DNAJC9: variants seen among roughly 807,000 people sequenced by gnomAD.
DNAJC9 encodes the protein DnaJ heat shock protein family (Hsp40) member C9.
Under a neutral mutation model 32.4 loss-of-function variants are expected in DNAJC9, and 18 were observed. The observed-to-expected ratio is 0.56, with a 90% CI of 0.38 to 0.82. DNAJC9 has a LOEUF of 0.82. Among genes scored for constraint, DNAJC9 ranks in the 40% least tolerant of loss-of-function variants. The pLI, the probability that DNAJC9 is intolerant of heterozygous loss-of-function variation, is 0.00. For missense variants in DNAJC9, 310 were observed against 321.8 expected (o/e 0.96, Z 0.28); for synonymous variants, 113 against 122.1 (o/e 0.93, Z 0.49).
chr10:73,240,668 T>C (rs982952161), downstream of DNAJC9, among the ~76,000 whole-genome samples: 1 of 149,638 alleles, frequency 6.7e-6, no homozygotes, highest in East Asian at 2.0e-4. Context: ...GCCGAGATCA[T>C]GCCACTGCAC....
At chr10:73,234,867 G>A (rs774701845), downstream of DNAJC9, 20 of 1,551,618 alleles carry the variant, frequency 1.3e-5, no homozygotes, top group African/African-American at 4.1e-5. Context: ...CCCCTGAGTC[G>A]AAATAATCTG....
Position 73,247,143 on chromosome 10 carries a change from A to G in DNAJC9, c.47T>C (p.Leu16Pro). ...LCEEVFGTAD[L>P]YRVLGVRREA... ...GCGTCGCACGCCCAGCACCCGGTAA[A>G]GGTCGGCGGTGCCGAACACTTCCTC... Residue 16 changes from leucine (L) to proline (P), a missense_variant, in exon 1 of 5, where the codon CTT (leucine) becomes CCT (proline). Physicochemically the swap from Leu to Pro is moderately conservative, Grantham distance 98. Transcript: ENST00000372950. The G allele has an allele frequency of 6.3e-7, 1 of 1,596,494 alleles. No individual in the cohort carries two copies. The highest frequency in any genetic ancestry group is 8.5e-7 in the Non-Finnish European group (1 of 1,172,498).
downstream of DNAJC9, among the ~76,000 whole-genome samples, chr10:73,240,661 G>A (rs991194017): frequency 7.3e-5 from 11 of 150,562 alleles, no homozygotes; most frequent in East Asian, 2.0e-4. Context: ...GCAGTGAGCC[G>A]AGATCATGCC....
rs752978808 is a variant in DNAJC9, at chr10:73,247,244, C to T, written c.-55G>A. On this transcript the variant is annotated 5_prime_UTR_variant, in exon 1 of 5. Transcript: ENST00000372950. ...CAGCCGCTCCCAGCTGCGCCGGGTA[C>T]AACCCAGGACTGCTTCTTTTTCGCG... The T allele has an allele frequency of 3.2e-6, 5 of 1,547,748 alleles. No individual in the cohort carries two copies. The highest frequency in any genetic ancestry group is 3.5e-6 in the Non-Finnish European group (4 of 1,145,178).
At chr10:73,244,107 TAG>T (rs1398518140) in intron 3 of DNAJC9, 178 bp from the exon 4 acceptor site, 29 of 591,492 alleles carry the variant, frequency 4.9e-5, no homozygotes, top group Non-Finnish European at 6.6e-5. Flanking sequence ...CAGCAAGCAG[TAG>T]ATCCTCTGAT....
chr10:73,233,245 G>GA, intron 2 of DNAJC9: 1 of 977,480 alleles, frequency 1.0e-6, no homozygotes, highest in South Asian at 1.5e-5. Flanking sequence ...ATATAAGACT[G>GA]AAATCTATGC....
At chr10:73,235,050 T>A, downstream of DNAJC9, 2 of 1,465,636 alleles carry the variant, frequency 1.4e-6, no homozygotes. Context: ...TTGTCAAAAG[T>A]ACAAACACAG....
intron 3 of DNAJC9, among the ~76,000 whole-genome samples, chr10:73,245,255 G>C (rs1259001374): frequency 6.6e-6 from 1 of 151,984 alleles, no homozygotes; most frequent in Non-Finnish European, 1.5e-5. Flanking sequence ...AAGTTCCTGA[G>C]GGCACTCAGG....
chr10:73,245,814 C>A, intron 3 of DNAJC9, 108 bp downstream of exon 3: 1 of 1,391,268 alleles, frequency 7.2e-7, no homozygotes, highest in Middle Eastern at 1.8e-4. Context: ...ACCAAGTTAA[C>A]CCTAGTCCTT....
rs749801589 is a variant in DNAJC9 at position 73,247,144 on chromosome 10, G to A, written c.46C>T (p.Leu16Phe). 3.8e-6 allele frequency: 6 copies of A among 1,596,374 alleles called. No individual in the cohort carries two copies. Among genetic ancestry groups the A allele is most frequent in the Non-Finnish European group, 5.1e-6 (6 of 1,172,444 alleles). ...LCEEVFGTAD[L>F]YRVLGVRREA... ...CGTCGCACGCCCAGCACCCGGTAAA[G>A]GTCGGCGGTGCCGAACACTTCCTCG... is the stretch of plus-strand genomic sequence containing the variant. The change falls in exon 1 of 5, where the codon CTT becomes TTT. Residue 16 changes from leucine to phenylalanine, a missense_variant. Transcript: ENST00000372950.
chr10:73,246,616 T>C (rs1436884237), intron 2 of DNAJC9, 72 bp downstream of exon 2: 2 of 1,543,000 alleles, frequency 1.3e-6, no homozygotes, highest in East Asian at 2.2e-5. Flanking sequence ...TACAAGATCT[T>C]AGAGGCAGTC....
At position 73,233,605 on chromosome 10, in the gene DNAJC9, A is replaced by C. The variant is rs140104189; in HGVS notation, n.147+10238T>G. ...GCAATCTGCCTGCCTCAGTCTCCTAAAGTGCTGAGATTACAGGTGTGAACC... is the reference window on the plus strand; with the variant it reads ...GCAATCTGCCTGCCTCAGTCTCCTACAGTGCTGAGATTACAGGTGTGAACC... On this transcript the variant is annotated intron_variant and non_coding_transcript_variant, in intron 2 of 2. Coordinates refer to the DNAJC9 transcript ENST00000469143. 1.9e-3 allele frequency among the ~76,000 whole-genome samples: 293 copies of C among 152,282 alleles called. 2 individuals carry two copies. The highest frequency in any genetic ancestry group is 6.8e-3 in the African/African-American group (283 of 41,550).
chr10:73,232,654 TAA>T (rs1025220938), intron 2 of DNAJC9, among the ~76,000 whole-genome samples: 3 of 152,162 alleles, frequency 2.0e-5, no homozygotes, highest in Non-Finnish European at 4.4e-5. Flanking sequence ...CACTGGTGAC[TAA>T]AAAAGTGACT....
chr10:73,243,615 A>G, intron 4 of DNAJC9, 96 bp from the exon 5 acceptor site: 1 of 1,488,656 alleles, frequency 6.7e-7, no homozygotes, highest in Non-Finnish European at 9.2e-7. Context: ...AATAACTACT[A>G]ATGGGTATGG....
chr10:73,247,219 C>G lies in DNAJC9; in HGVS notation c.-30G>C, dbSNP rs749774297. The G allele has an allele frequency of 1.9e-6, 3 of 1,569,996 alleles. No homozygotes were observed. Among genetic ancestry groups the G allele is most frequent in the East Asian group, 2.4e-5 (1 of 41,792 alleles). ...GGCGGAGATACGACCCCGGAGGAAG[C>G]AGCCGCTCCCAGCTGCGCCGGGTAC... On this transcript the variant is annotated 5_prime_UTR_variant, in exon 1 of 5. Coordinates refer to ENST00000372950, the MANE Select transcript of DNAJC9 (RefSeq NM_015190.5).
intron 3 of DNAJC9, among the ~76,000 whole-genome samples, chr10:73,244,898 C>G (rs1367946830): frequency 6.6e-6 from 1 of 152,194 alleles, no homozygotes; most frequent in Admixed American, 6.5e-5. Context: ...CAAATTCTCT[C>G]TTTAAATTCA....
downstream of DNAJC9, among the ~76,000 whole-genome samples, chr10:73,237,493 T>C (rs1264889325): frequency 6.6e-6 from 1 of 152,012 alleles, no homozygotes; most frequent in African/African-American, 2.4e-5. Flanking sequence ...CTCAGCTCAC[T>C]GCAGCCTCCA....
Position 73,242,629 on chromosome 10 carries a change from C to G in DNAJC9, c.*771G>C, listed in dbSNP as rs1402007798. On this transcript the variant is annotated 3_prime_UTR_variant, in exon 5 of 5. Transcript: ENST00000372950. ...ACAAGCTCAGTGGCCCAACTGAAGACATTCAGCAATTAATGGCAGGACTTC... is the reference window on the plus strand; with the variant it reads ...ACAAGCTCAGTGGCCCAACTGAAGAGATTCAGCAATTAATGGCAGGACTTC... The G allele has an allele frequency of 4.6e-5, 7 of 152,188 alleles. No individual in the cohort carries two copies. Among genetic ancestry groups the G allele is most frequent in the Admixed American group, 3.3e-4 (5 of 15,280 alleles). 9.4% of individuals were successfully genotyped at this position (152,188 alleles called of 1,614,324 possible). A position where few individuals can be genotyped will look rare whatever the true frequency, so the allele number is the denominator to read the frequency against.
chr10:73,247,248 C>T lies in DNAJC9; in HGVS notation c.-59G>A. On this transcript the variant is annotated 5_prime_UTR_variant, in exon 1 of 5. Coordinates refer to ENST00000372950, the MANE Select transcript of DNAJC9 (RefSeq NM_015190.5). ...CGCTCCCAGCTGCGCCGGGTACAAC[C>T]CAGGACTGCTTCTTTTTCGCGCCCA... 1 of 1,546,090 alleles carries T rather than the reference C, an allele frequency of 6.5e-7. No homozygotes were observed. The highest frequency in any genetic ancestry group is 8.7e-7 in the Non-Finnish European group (1 of 1,144,250).
Sources: gnomAD v4.1 joint callset for allele counts (sites outside exome capture counted in the v4.1 genomes callset) on GRCh38, gnomAD v4.1.1 for gene constraint, MANE v1.5 for transcripts, NCBI Gene and HGNC (gene_info 2026-07-23, HGNC 2026-07-21) for gene names.